The following ITPR2 variants were observed in gnomAD, a reference collection of about 807,000 sequenced individuals.
The protein encoded by ITPR2 is inositol 1,4,5-trisphosphate receptor type 2.
ITPR2 carries 207 observed loss-of-function variants against 317.1 expected under a neutral mutation model. The observed-to-expected ratio is 0.65, with a 90% CI of 0.58 to 0.73. The LOEUF is 0.73. ITPR2 is among the 30% of genes least tolerant of loss of function. ITPR2 has a pLI of 0.00. For synonymous variants in ITPR2, 1,156 were observed against 1,149.1 expected (o/e 1.01, Z -0.12); for missense variants, 2,613 against 3,284.0 (o/e 0.80, Z 4.99).
chr12:26,494,142 T>G lies in ITPR2; in HGVS notation c.5370+11A>C. 1 of 1,595,794 alleles carries G rather than the reference T, an allele frequency of 6.3e-7. No homozygotes were observed. The highest frequency in any genetic ancestry group is 1.1e-5 in the South Asian group (1 of 88,732). ...TAATAAATGTAATCCCCATGATTGA[T>G]GAACAAGTACCTGTGTTTGTGTATT... On this transcript the variant is annotated intron_variant, in intron 39 of 56. Transcript: ENST00000381340.
chr12:26,528,757 G>T (rs1046927975), intron 37 of ITPR2, among the ~76,000 whole-genome samples: 1 of 152,200 alleles, frequency 6.6e-6, no homozygotes, highest in African/African-American at 2.4e-5. Flanking sequence ...ACACCTGGCA[G>T]GAATAGGAGT....
rs34106132 is a variant in ITPR2, at chr12:26,773,981, A to ATT, written c.163+16174_163+16175dup. On this transcript the variant is annotated intron_variant, in intron 2 of 56. Coordinates refer to ENST00000381340, the MANE Select transcript of ITPR2 (RefSeq NM_002223.4). Reference sequence around the variant, plus strand: ...CATAGAAACAACATTCAACTGGAGAATTTTTTTTTTTTTTTTTTTTTTTTT... The same window carrying ATT: ...CATAGAAACAACATTCAACTGGAGAATTTTTTTTTTTTTTTTTTTTTTTTTTT... Among the ~76,000 whole-genome samples, 534 of 91,402 alleles carry ATT rather than the reference A, an allele frequency of 5.8e-3. 22 individuals carry two copies. Among genetic ancestry groups the ATT allele is most frequent in the African/African-American group, 0.017 (389 of 23,442 alleles). 60.0% of individuals were successfully genotyped at this position (91,402 alleles called of 152,430 possible).
At chr12:26,581,701 C>A (rs767113680) in intron 32 of ITPR2, among the ~76,000 whole-genome samples, 137 of 152,214 alleles carry the variant, frequency 9.0e-4, no homozygotes, top group Non-Finnish European at 1.6e-3. Flanking sequence ...TACATGGTCC[C>A]AGATCTAATA....
At chr12:26,755,206 G>A (rs370451104) in intron 2 of ITPR2, among the ~76,000 whole-genome samples, 6 of 152,294 alleles carry the variant, frequency 3.9e-5, no homozygotes, top group Middle Eastern at 3.4e-3. Flanking sequence ...TTTTTTGACT[G>A]TGGTTGTCCC....
chr12:26,405,592 T>C (rs1391091268), intron 52 of ITPR2, among the ~76,000 whole-genome samples: 2 of 152,252 alleles, frequency 1.3e-5, no homozygotes, highest in African/African-American at 4.8e-5. Flanking sequence ...ATATTGGCCA[T>C]GCTTGAATAA....
At position 26,462,613 on chromosome 12, in the gene ITPR2, C is replaced by T. The variant is rs115672484; in HGVS notation, c.6342+12683G>A. ...TCTCTGTCCTGACATTCTGTCCTAG[C>T]TCATACTTCCTCAACATGCCTTCAG... is the stretch of plus-strand genomic sequence containing the variant. On this transcript the variant is annotated intron_variant, in intron 45 of 56. Transcript: ENST00000381340. Among the ~76,000 whole-genome samples, 1,030 of 151,950 alleles carry T rather than the reference C, an allele frequency of 6.8e-3. 12 individuals are homozygous for T. Among genetic ancestry groups the T allele is most frequent in the African/African-American group, 0.024 (985 of 41,440 alleles).
Position 26,556,276 on chromosome 12 carries a change from C to T in ITPR2, c.4921G>A (p.Glu1641Lys). 1 of 1,613,988 alleles carries T rather than the reference C, an allele frequency of 6.2e-7. No individual in the cohort carries two copies. Among genetic ancestry groups the T allele is most frequent in the Non-Finnish European group, 8.5e-7 (1 of 1,179,956 alleles). Residue 1641 changes from glutamate to lysine, a missense_variant, in exon 36 of 57, where the codon GAG (glutamate) becomes AAG (lysine). By Grantham distance (56) the Glu-to-Lys change is moderately conservative. This residue lies in a region of ITPR2 where 926 missense variants were observed against 1,072.8 expected (regional missense o/e 0.86). Coordinates refer to ENST00000381340, the MANE Select transcript of ITPR2 (RefSeq NM_002223.4). The part of the protein sequence containing the change: ...VLYSPELLFP[E>K]GSDARIRCGA... ...CATCTTATTCTTGCATCGCTTCCCTCAGGGAACAGCAGTTCTGGACTGTAC... is the reference window on the plus strand; with the variant it reads ...CATCTTATTCTTGCATCGCTTCCCTTAGGGAACAGCAGTTCTGGACTGTAC...
At position 26,561,797 on chromosome 12, in the gene ITPR2, C is replaced by A. The variant is rs1194844173; in HGVS notation, c.4786G>T (p.Ala1596Ser). The change falls in exon 35 of 57, where the codon GCT (alanine) becomes TCT (serine). Residue 1596 changes from alanine to serine, a missense_variant. Ala to Ser is a moderately conservative substitution (Grantham distance 99, BLOSUM62 1). This residue lies in a region of ITPR2 where 926 missense variants were observed against 1,072.8 expected (regional missense o/e 0.86). Transcript: ENST00000381340. The stretch of plus-strand genomic sequence containing the variant: ...TCAATAATATTTCTGTAATCCCAAG[C>A]AGGCCCTCCAAGAGCTTCCTTAAAG... Reference protein sequence around the residue: ...PRFKEALGGPAWDYRNIIEKL... With the variant: ...PRFKEALGGPSWDYRNIIEKL... 36 of 1,586,076 alleles carry A rather than the reference C, an allele frequency of 2.3e-5. No individual in the cohort carries two copies. The highest frequency in any genetic ancestry group is 2.6e-5 in the Non-Finnish European group (30 of 1,172,518).
chr12:26,396,031 T>A (rs1190674896), intron 54 of ITPR2, among the ~76,000 whole-genome samples: 1 of 152,160 alleles, frequency 6.6e-6, no homozygotes, highest in Non-Finnish European at 1.5e-5. Flanking sequence ...AATTTTTTTA[T>A]GATAAGGCTG....
intron 13 of ITPR2, among the ~76,000 whole-genome samples, chr12:26,672,025 T>C (rs1947785989): frequency 6.6e-6 from 1 of 151,972 alleles, no homozygotes; most frequent in Non-Finnish European, 1.5e-5. Context: ...ATGCACCCAA[T>C]ACAGGAGCAC....
chr12:26,578,873 C>T, intron 33 of ITPR2, 40 bp from the exon 34 acceptor site: 4 of 1,569,796 alleles, frequency 2.5e-6, no homozygotes, highest in Non-Finnish European at 3.5e-6. Context: ...AGATGCTAAA[C>T]CATTAACAGC....
intron 2 of ITPR2, among the ~76,000 whole-genome samples, chr12:26,744,320 T>C (rs897843157): frequency 5.9e-5 from 9 of 152,222 alleles, no homozygotes; most frequent in African/African-American, 2.2e-4. Context: ...TACTTGCCAT[T>C]ACTGCAACTT....
At chr12:26,730,672 A>G (rs540282993) in intron 2 of ITPR2, among the ~76,000 whole-genome samples, 1 of 152,328 alleles carries the variant, frequency 6.6e-6, no homozygotes, top group East Asian at 1.9e-4. Context: ...TTATAAGAAC[A>G]ATGGCTTAGA....
chr12:26,591,673 A>T (rs1013445385), intron 32 of ITPR2, among the ~76,000 whole-genome samples: 5 of 151,974 alleles, frequency 3.3e-5, no homozygotes, highest in Admixed American at 2.6e-4. Context: ...CTACTAAAAA[A>T]AAAAAAATAC....
At chr12:26,598,773 A>G (rs759291843) in intron 30 of ITPR2, among the ~76,000 whole-genome samples, 1 of 152,200 alleles carries the variant, frequency 6.6e-6, no homozygotes, top group Non-Finnish European at 1.5e-5. Context: ...TGTTTCAGAA[A>G]CAGAGCAATA....
chr12:26,784,552 C>G (rs1209838261), intron 2 of ITPR2, among the ~76,000 whole-genome samples: 2 of 151,626 alleles, frequency 1.3e-5, no homozygotes, highest in East Asian at 2.0e-4. Flanking sequence ...CTGTGTTGGC[C>G]GGGCTGGTCT....
At chr12:26,628,888 C>T (rs955535218) in intron 22 of ITPR2, among the ~76,000 whole-genome samples, 4 of 152,116 alleles carry the variant, frequency 2.6e-5, no homozygotes, top group African/African-American at 9.7e-5. Flanking sequence ...GGTCTAAATA[C>T]AACAGAAATC....
chr12:26,481,167 A>G lies in ITPR2; in HGVS notation c.6087T>C (p.Leu2029=). The part of the protein sequence containing the change: ...IALILNDINP[L]GKYRMDLVLQ... ...GCACCAGGTCCATTCGGTATTTACCAAGAGGGTTTATGTCATTCAGAATCA... is the reference window on the plus strand; with the variant it reads ...GCACCAGGTCCATTCGGTATTTACCGAGAGGGTTTATGTCATTCAGAATCA... Residue 2029 remains leucine (L), a synonymous_variant, in exon 43 of 57, where the codon CTT becomes CTC. Coordinates refer to ENST00000381340, the MANE Select transcript of ITPR2 (RefSeq NM_002223.4). 6.2e-7 allele frequency: 1 copy of G among 1,613,266 alleles called. No homozygotes were observed. The highest frequency in any genetic ancestry group is 1.1e-5 in the South Asian group (1 of 91,068).
intron 2 of ITPR2, among the ~76,000 whole-genome samples, chr12:26,760,564 G>C (rs1367058970): frequency 6.6e-6 from 1 of 152,132 alleles, no homozygotes; most frequent in Non-Finnish European, 1.5e-5. Context: ...ATTCTGGAGA[G>C]AAGTAAGCCC....
Sources: allele counts gnomAD v4.1 joint callset (sites outside exome capture counted in the v4.1 genomes callset), GRCh38; gene constraint gnomAD v4.1.1; regional missense constraint gnomAD v4.1.1; transcripts MANE v1.5; gene names NCBI Gene and HGNC (gene_info 2026-07-23, HGNC 2026-07-21).